CAMSAP2: variants seen among roughly 807,000 people sequenced by gnomAD.
The protein encoded by CAMSAP2 is calmodulin regulated spectrin associated protein family member 2.
A neutral mutation model predicts 146.1 loss-of-function variants in CAMSAP2; 26 were observed. That is an observed-to-expected ratio of 0.18 (90% CI 0.13 to 0.25). The LOEUF is 0.25. CAMSAP2 is among the 10% of genes least tolerant of loss of function. The pLI is 1.00. For synonymous variants in CAMSAP2, 499 were observed against 596.6 expected, an observed-to-expected ratio of 0.84 and a Z score of 2.38; for missense variants, 1,381 against 1,759.3, an observed-to-expected ratio of 0.78 and a Z score of 3.85.
chr1:200,858,061 A>C lies in CAMSAP2; in HGVS notation c.*2A>C. On this transcript the variant is annotated 3_prime_UTR_variant, in exon 17 of 17. Transcript: ENST00000358823. ...AAACTTTTACCCACTAAGGCATAGA[A>C]GTTGGGAAATACTTGCTTCAGAACA... The C allele has an allele frequency of 6.4e-7, 1 of 1,558,498 alleles. No homozygotes were observed. The highest frequency in any genetic ancestry group is 8.6e-7 in the Non-Finnish European group (1 of 1,156,988).
At chr1:200,765,924 C>T (rs995651585) in intron 2 of CAMSAP2, among the ~76,000 whole-genome samples, 4 of 152,096 alleles carry the variant, frequency 2.6e-5, no homozygotes, top group African/African-American at 9.7e-5. Flanking sequence ...CATGAAGAGT[C>T]TGTAAGTTAG....
chr1:200,834,179 A>G (rs1298397371), intron 6 of CAMSAP2, among the ~76,000 whole-genome samples: 1 of 152,098 alleles, frequency 6.6e-6, no homozygotes, highest in Non-Finnish European at 1.5e-5. Flanking sequence ...CCTGGCCAAC[A>G]TGGTGAAACC....
Position 200,849,880 on chromosome 1 carries a change from G to A in CAMSAP2, c.3111G>A (p.Glu1037=), listed in dbSNP as rs374813833. ...AGTTAAAGGAATCCAAACCTAAAGA[G>A]GAAGTTAAAAAGGAGGAATTGGAAT... The part of the protein sequence containing the change: ...EPQLKESKPK[E]EVKKEELESK... The change falls in exon 11 of 17, where the codon GAG becomes GAA. Residue 1037 remains glutamate, a synonymous_variant. Transcript: ENST00000358823. The surrounding 1 kb of genome is among the most constrained non-coding windows in gnomAD (Gnocchi z 6.3). 6.2e-7 allele frequency: 1 copy of A among 1,613,948 alleles called. No individual in the cohort carries two copies. The highest frequency in any genetic ancestry group is 8.5e-7 in the Non-Finnish European group (1 of 1,180,012).
intron 1 of CAMSAP2, among the ~76,000 whole-genome samples, chr1:200,751,487 A>G (rs971816174): frequency 7.3e-6 from 1 of 136,750 alleles, no homozygotes; most frequent in South Asian, 2.4e-4. Flanking sequence ...GTGAGCCATG[A>G]TCGCACCATT....
At chr1:200,807,565 G>T (rs751411283) in intron 3 of CAMSAP2, 28 bp downstream of exon 3, 1 of 1,426,830 alleles carries the variant, frequency 7.0e-7, no homozygotes, top group Non-Finnish European at 9.3e-7. Flanking sequence ...TGAGTAAATC[G>T]CATCTCATAG....
rs1402002324 is a variant in CAMSAP2 at position 200,768,722 on chromosome 1, C to T, written c.399+7624C>T. ...AGGCTGGAGTGCAGTGGCGCGATCT[C>T]GGCTCACTGCAACCTCCATCTCCCA... On this transcript the variant is annotated intron_variant, in intron 2 of 16. Coordinates refer to ENST00000358823, the MANE Select transcript of CAMSAP2 (RefSeq NM_203459.4). 9.9e-5 allele frequency among the ~76,000 whole-genome samples: 15 copies of T among 152,112 alleles called. 1 individual carries two copies. The South Asian group carries it at 2.1e-3, about 21-fold the overall frequency.
chr1:200,840,003 A>G (rs1318468374), intron 6 of CAMSAP2, among the ~76,000 whole-genome samples: 1 of 152,214 alleles, frequency 6.6e-6, no homozygotes, highest in Non-Finnish European at 1.5e-5. Flanking sequence ...CTGTATATCA[A>G]CATTCTAAAA....
intron 1 of CAMSAP2, among the ~76,000 whole-genome samples, chr1:200,751,090 A>G (rs1664493239): frequency 1.3e-5 from 2 of 151,202 alleles, no homozygotes; most frequent in African/African-American, 2.4e-5. Context: ...TTTAGTAGAG[A>G]TAGGGTTTCA....
In CAMSAP2 at chr1:200,839,438, G is replaced by T. The variant is rs115460808; in HGVS notation, c.928-2556G>T. Among the ~76,000 whole-genome samples the T allele has an allele frequency of 8.5e-3, 1,299 of 152,300 alleles. 15 individuals are homozygous for T. The highest frequency in any genetic ancestry group is 0.029 in the African/African-American group (1,200 of 41,562). On this transcript the variant is annotated intron_variant, in intron 6 of 16. Coordinates refer to ENST00000358823, the MANE Select transcript of CAMSAP2 (RefSeq NM_203459.4). ...GTAAAGGTTTTGTTTCATTTATTTT[G>T]ATGGGAGGGATTTGAGCATGTTTAA...
chr1:200,812,820 T>C (rs2102158381), intron 3 of CAMSAP2, among the ~76,000 whole-genome samples: 1 of 152,362 alleles, frequency 6.6e-6, no homozygotes, highest in South Asian at 2.1e-4. Context: ...TATTTGGCTC[T>C]ACCTCTGTTT....
chr1:200,777,249 A>G (rs914473105), intron 2 of CAMSAP2, among the ~76,000 whole-genome samples: 2 of 152,196 alleles, frequency 1.3e-5, no homozygotes, highest in Admixed American at 6.5e-5. Flanking sequence ...TCCTAGATAT[A>G]GAATAAAGGG....
intron 1 of CAMSAP2, among the ~76,000 whole-genome samples, chr1:200,752,726 C>T (rs749013220): frequency 3.7e-4 from 56 of 151,880 alleles, no homozygotes; most frequent in Admixed American, 1.4e-3. Flanking sequence ...CACACATTCT[C>T]CTGCCTCAGC....
chr1:200,755,545 GGGAGGAGTAGAGGTGATAATTTAAGCTCA>G (rs1336270101), intron 1 of CAMSAP2, among the ~76,000 whole-genome samples: 1 of 152,216 alleles, frequency 6.6e-6, no homozygotes, highest in Non-Finnish European at 1.5e-5. Flanking sequence ...ATAGGGTAAT[GGGAGGAGTAGAGGTGATAATTTAAGCTCA>G]GGAATGCTGT....
At chr1:200,762,084 G>A (rs1375392839) in intron 2 of CAMSAP2, among the ~76,000 whole-genome samples, 5 of 152,134 alleles carry the variant, frequency 3.3e-5, no homozygotes, top group Non-Finnish European at 5.9e-5. Flanking sequence ...AGGAAGGTAA[G>A]GTGTATATGT....
intron 1 of CAMSAP2, among the ~76,000 whole-genome samples, chr1:200,744,889 C>T (rs905799895): frequency 6.6e-6 from 1 of 151,656 alleles, no homozygotes; most frequent in Non-Finnish European, 1.5e-5. Context: ...AGAGAGCCAG[C>T]TTGAAAGACA....
rs540305419 is a variant in CAMSAP2 at position 200,847,663 on chromosome 1, A to G, written c.1216A>G (p.Met406Val). The change falls in exon 10 of 17, where the codon ATG becomes GTG. Residue 406 changes from methionine to valine, a missense_variant. Physicochemically the swap from Met to Val is conservative, Grantham distance 21 (BLOSUM62 1). Coordinates refer to ENST00000358823, the MANE Select transcript of CAMSAP2 (RefSeq NM_203459.4). ...AGGAGGAATTAGAAGGTCTTCATCT[A>G]TGTCTTATGTTGATGGCTTCATAGG... is the stretch of plus-strand genomic sequence containing the variant. ...ASGGIRRSSSMSYVDGFIGTW... is the reference protein window; with the variant it reads ...ASGGIRRSSSVSYVDGFIGTW... The G allele has an allele frequency of 3.7e-6, 6 of 1,612,456 alleles. No homozygotes were observed. The highest frequency in any genetic ancestry group is 1.1e-5 in the South Asian group (1 of 90,772).
intron 2 of CAMSAP2, among the ~76,000 whole-genome samples, chr1:200,768,780 A>T: frequency 6.6e-6 from 1 of 152,088 alleles, no homozygotes; most frequent in East Asian, 1.9e-4. Flanking sequence ...CAGCCTCCCA[A>T]GTAGCTGGGA....
chr1:200,767,641 T>C (rs975973046), intron 2 of CAMSAP2, among the ~76,000 whole-genome samples: 3 of 152,166 alleles, frequency 2.0e-5, no homozygotes, highest in African/African-American at 7.2e-5. Context: ...AAATGTAGTA[T>C]TGTAATAGTA....
At position 200,739,910 on chromosome 1, in the gene CAMSAP2, C is replaced by T. The variant is rs1459785442; in HGVS notation, c.83C>T (p.Ser28Phe). 1 of 1,614,038 alleles carries T rather than the reference C, an allele frequency of 6.2e-7. No homozygotes were observed. Among genetic ancestry groups the T allele is most frequent in the Non-Finnish European group, 8.5e-7 (1 of 1,180,016 alleles). ...AAGCCTTTTGACCACTATGATTTCTCCAGGGCCAAAATCGCCTGCAATCTG... is the reference window on the plus strand; with the variant it reads ...AAGCCTTTTGACCACTATGATTTCTTCAGGGCCAAAATCGCCTGCAATCTG... ...AIKPFDHYDF[S>F]RAKIACNLAW... The change falls in exon 1 of 17, where the codon TCC becomes TTC. Residue 28 changes from serine (S) to phenylalanine (F), a missense_variant. Ser to Phe is a radical substitution (Grantham distance 155). Transcript: ENST00000358823. This position sits in a 1 kb window ranked among gnomAD's most constrained non-coding sequence, Gnocchi z 4.8.
Sources: gnomAD v4.1 joint callset for allele counts (sites outside exome capture counted in the v4.1 genomes callset) on GRCh38, gnomAD v4.1.1 for gene constraint, Gnocchi (gnomAD v3.1) non-coding constraint, MANE v1.5 for transcripts, NCBI Gene and HGNC (gene_info 2026-07-23, HGNC 2026-07-21) for gene names.